PCDHGA1: variants seen among roughly 807,000 people sequenced by gnomAD.
The protein encoded by PCDHGA1 is protocadherin gamma subfamily A, 1, also known as protocadherin gamma-A1.
A neutral mutation model predicts 58.0 loss-of-function variants in PCDHGA1; 32 were observed. The ratio of observed to expected loss-of-function variants is 0.55; its 90% CI spans 0.42 to 0.74. PCDHGA1 has a LOEUF of 0.74. Among genes scored for constraint, PCDHGA1 ranks in the 30% least tolerant of loss-of-function variants. PCDHGA1 has a pLI of 0.00. For synonymous variants in PCDHGA1, 498 were observed against 501.1 expected (o/e 0.99, Z 0.08); for missense variants, 1,205 against 1,182.3 (o/e 1.02, Z -0.28).
chr5:141,398,915 A>G, intron 1 of PCDHGA1: 1 of 1,614,002 alleles, frequency 6.2e-7, no homozygotes, highest in Non-Finnish European at 8.5e-7. Context: ...ACTGTGTTGC[A>G]AGTGTCAGCC....
At chr5:141,377,523 G>C (rs937581595) in intron 1 of PCDHGA1, 1 of 151,990 alleles carries the variant, frequency 6.6e-6, no homozygotes, top group Non-Finnish European at 1.5e-5. Flanking sequence ...TTAAGTCCAG[G>C]GGTATGAGGC....
intron 1 of PCDHGA1, among the ~76,000 whole-genome samples, chr5:141,434,195 T>C (rs1561872734): frequency 6.6e-6 from 1 of 151,916 alleles, no homozygotes; most frequent in Non-Finnish European, 1.5e-5. Flanking sequence ...AATTCCAATG[T>C]ACTTACTTCT....
At chr5:141,483,009 C>G (rs538900128) in intron 1 of PCDHGA1, among the ~76,000 whole-genome samples, 1 of 152,060 alleles carries the variant, frequency 6.6e-6, no homozygotes, top group South Asian at 2.1e-4. Context: ...TGCTTGAACC[C>G]GGGAGGCAGA....
intron 1 of PCDHGA1, chr5:141,352,039 C>T (rs1320731784): frequency 6.2e-7 from 1 of 1,608,678 alleles, no homozygotes; most frequent in South Asian, 1.1e-5. Context: ...TGGACGCAGA[C>T]TCAGGACACA....
intron 1 of PCDHGA1, chr5:141,350,965 T>C: frequency 6.2e-7 from 1 of 1,614,092 alleles, no homozygotes; most frequent in Non-Finnish European, 8.5e-7. Flanking sequence ...CCAATGATAA[T>C]GCTCCCGTGT....
At chr5:141,480,195 G>A (rs1350891459) in intron 1 of PCDHGA1, among the ~76,000 whole-genome samples, 1 of 151,182 alleles carries the variant, frequency 6.6e-6, no homozygotes, top group Non-Finnish European at 1.5e-5. Context: ...CTTGAGGCCA[G>A]CAGTTCAAGA....
At chr5:141,475,828 C>T (rs1319658902) in intron 1 of PCDHGA1, 1 of 387,614 alleles carries the variant, frequency 2.6e-6, no homozygotes, top group Admixed American at 4.3e-5. Context: ...GGCGCTAGCG[C>T]GTGTCCTGCT....
intron 1 of PCDHGA1, chr5:141,394,616 C>T (rs2093043198): frequency 1.2e-6 from 2 of 1,613,490 alleles, no homozygotes; most frequent in East Asian, 2.2e-5. Flanking sequence ...CGGGCCAGAA[C>T]GCCTGGCTGT....
chr5:141,428,508 T>G, intron 1 of PCDHGA1: 1 of 279,550 alleles, frequency 3.6e-6, no homozygotes, highest in South Asian at 4.0e-5. Flanking sequence ...CCTCGGATTC[T>G]AGAAAAAGAA....
rs774471563 is a variant in PCDHGA1, at chr5:141,365,988, T to A, written c.2421+32883T>A. The A allele has an allele frequency of 5.6e-6, 9 of 1,614,268 alleles. No individual in the cohort carries two copies. The South Asian group carries it at 9.9e-5, about 18-fold the overall frequency. The stretch of plus-strand genomic sequence containing the variant: ...AACGTGTCGCTGAGCCTGTTTGTGC[T>A]GGACCAGAACGACAATACGCCTGAG... On this transcript the variant is annotated intron_variant, in intron 1 of 3. Coordinates refer to ENST00000517417, the MANE Select transcript of PCDHGA1 (RefSeq NM_018912.3).
rs1485856773 is a variant in PCDHGA1, at chr5:141,372,043, T to A, written c.2421+38938T>A. ...CTCAGCGCCAACGTGAGCCTGCGCG[T>A]GTTGGTGGACGACCGCAACGACAAT... On this transcript the variant is annotated intron_variant, in intron 1 of 3. Coordinates refer to ENST00000517417, the MANE Select transcript of PCDHGA1 (RefSeq NM_018912.3). The A allele has an allele frequency of 1.9e-6, 3 of 1,613,326 alleles. No individual in the cohort carries two copies. The highest frequency in any genetic ancestry group is 1.7e-5 in the Admixed American group (1 of 59,994).
At chr5:141,453,517 C>T (rs1001603927) in intron 1 of PCDHGA1, among the ~76,000 whole-genome samples, 1 of 152,062 alleles carries the variant, frequency 6.6e-6, no homozygotes, top group African/African-American at 2.4e-5. Context: ...TCATTCCTCC[C>T]CTATACCTTC....
chr5:141,362,313 T>C, intron 1 of PCDHGA1: 1 of 1,614,046 alleles, frequency 6.2e-7, no homozygotes, highest in Non-Finnish European at 8.5e-7. Flanking sequence ...CTTGGGACTG[T>C]TTTCAGCCTG....
intron 1 of PCDHGA1, chr5:141,376,063 C>T (rs1392618102): frequency 1.9e-6 from 3 of 1,613,444 alleles, no homozygotes; most frequent in Non-Finnish European, 2.5e-6. Context: ...CTGTCACGCT[C>T]ACCGTGGCCG....
At chr5:141,437,529 C>T (rs1205365959) in intron 1 of PCDHGA1, among the ~76,000 whole-genome samples, 1 of 152,102 alleles carries the variant, frequency 6.6e-6, no homozygotes, top group African/African-American at 2.4e-5. Flanking sequence ...GACAAATGAG[C>T]AAATTGTATC....
intron 1 of PCDHGA1, chr5:141,420,099 C>G: frequency 2.5e-6 from 4 of 1,613,996 alleles, no homozygotes; most frequent in Non-Finnish European, 3.4e-6. Context: ...AGTGAGGGAA[C>G]GTTGCCCTAT....
intron 1 of PCDHGA1, among the ~76,000 whole-genome samples, chr5:141,492,539 G>A (rs1474928199): frequency 1.3e-5 from 2 of 152,200 alleles, no homozygotes; most frequent in African/African-American, 2.4e-5. Context: ...GCCCCGGGCT[G>A]GGCCGGGTCG....
chr5:141,404,628 C>T (rs1183309479), intron 1 of PCDHGA1: 2 of 1,614,100 alleles, frequency 1.2e-6, no homozygotes, highest in Non-Finnish European at 1.7e-6. Flanking sequence ...AATGACAATG[C>T]CCCAGAAATC....
rs1478890031 is a variant in PCDHGA1, at chr5:141,478,689, C to G, written c.2422-16118C>G. On this transcript the variant is annotated intron_variant, in intron 1 of 3. Coordinates refer to ENST00000517417, the MANE Select transcript of PCDHGA1 (RefSeq NM_018912.3). Reference sequence around the variant, plus strand: ...CACTTTCAACTGGCCCTTCCTAGATCAAAGTTAGTGCCTTTGTGAGATGGT... The same window carrying G: ...CACTTTCAACTGGCCCTTCCTAGATGAAAGTTAGTGCCTTTGTGAGATGGT... 3 of 1,550,866 alleles carry G rather than the reference C, an allele frequency of 1.9e-6. No homozygotes were observed. In the African/African-American group the frequency reaches 4.1e-5, roughly 21 times the overall value.
Sources: gnomAD v4.1 joint callset for allele counts (sites outside exome capture counted in the v4.1 genomes callset) on GRCh38, gnomAD v4.1.1 for gene constraint, MANE v1.5 for transcripts, NCBI Gene and HGNC (gene_info 2026-07-23, HGNC 2026-07-21) for gene names.